The following LNX1 variants were observed in gnomAD, a reference collection of about 807,000 sequenced individuals.
LNX1 encodes the protein E3 ubiquitin-protein ligase LNX.
A neutral mutation model predicts 68.4 loss-of-function variants in LNX1; 54 were observed. That is an observed-to-expected ratio of 0.79 (90% CI 0.63 to 0.99). LNX1 has a LOEUF of 0.99. LNX1 is among the 50% of genes least tolerant of loss of function. LNX1 has a pLI of 0.00. For missense variants in LNX1, 906 were observed against 926.4 expected, an observed-to-expected ratio of 0.98 and a Z score of 0.29; for synonymous variants, 336 against 350.0, an observed-to-expected ratio of 0.96 and a Z score of 0.45.
intron 1 of LNX1, among the ~76,000 whole-genome samples, chr4:53,644,420 AAAAAC>A (rs1283935718): frequency 6.6e-6 from 1 of 152,182 alleles, no homozygotes; most frequent in Non-Finnish European, 1.5e-5. Flanking sequence ...ACGAACAAAC[AAAAAC>A]AAAACAAACA....
At chr4:53,623,206 CTTT>C (rs34868847) in intron 1 of LNX1, among the ~76,000 whole-genome samples, 2 of 142,352 alleles carry the variant, frequency 1.4e-5, no homozygotes, top group African/African-American at 2.6e-5. Flanking sequence ...GAGAGCAATT[CTTT>C]TTTTTTTTTT....
chr4:53,568,527 T>C (rs1162997575), intron 2 of LNX1, among the ~76,000 whole-genome samples: 9 of 150,904 alleles, frequency 6.0e-5, no homozygotes, highest in South Asian at 2.1e-4. Flanking sequence ...ATGACAAACC[T>C]ACAGCCAATA....
intron 6 of LNX1, 76 bp downstream of exon 6, chr4:53,495,947 C>T (rs1437340773): frequency 2.0e-6 from 3 of 1,525,820 alleles, no homozygotes; most frequent in African/African-American, 2.7e-5. Flanking sequence ...TGACAGGGTG[C>T]CTGGTTCAGG....
At chr4:53,630,014 C>T (rs1734211100) in intron 1 of LNX1, among the ~76,000 whole-genome samples, 1 of 151,712 alleles carries the variant, frequency 6.6e-6, no homozygotes, top group Non-Finnish European at 1.5e-5. Flanking sequence ...TTTTACTGGT[C>T]CAGCAAAAAA....
chr4:53,533,267 G>T (rs949514408), intron 2 of LNX1, among the ~76,000 whole-genome samples: 1 of 152,168 alleles, frequency 6.6e-6, no homozygotes, highest in Admixed American at 6.5e-5. Context: ...AACATACAAA[G>T]GAACCAGATT....
At chr4:53,531,855 G>T (rs1401376456) in intron 2 of LNX1, among the ~76,000 whole-genome samples, 2 of 152,248 alleles carry the variant, frequency 1.3e-5, no homozygotes, top group South Asian at 2.1e-4. Flanking sequence ...GTTGCTCTTT[G>T]TTCTATCACA....
chr4:53,478,161 T>C (rs1723683187), intron 8 of LNX1, among the ~76,000 whole-genome samples: 1 of 152,186 alleles, frequency 6.6e-6, no homozygotes. Context: ...GAATCAAATC[T>C]ATCAAATGAC....
intron 2 of LNX1, among the ~76,000 whole-genome samples, chr4:53,600,674 T>C (rs1469060258): frequency 6.6e-6 from 1 of 152,100 alleles, no homozygotes; most frequent in African/African-American, 2.4e-5. Context: ...ACACCCCTTT[T>C]TAACTTGGAC....
chr4:53,634,832 T>A (rs893114929), intron 1 of LNX1, among the ~76,000 whole-genome samples: 18 of 151,750 alleles, frequency 1.2e-4, no homozygotes, highest in South Asian at 8.4e-4. Context: ...TTTTTAATTT[T>A]TTATTATTAT....
At chr4:53,480,931 G>T (rs1296706003) in intron 7 of LNX1, among the ~76,000 whole-genome samples, 3 of 152,084 alleles carry the variant, frequency 2.0e-5, no homozygotes, top group African/African-American at 7.2e-5. Context: ...CAGAACTCAG[G>T]AGAGATGACT....
At chr4:53,559,492 T>C (rs1220964064) in intron 2 of LNX1, among the ~76,000 whole-genome samples, 1 of 152,168 alleles carries the variant, frequency 6.6e-6, no homozygotes, top group African/African-American at 2.4e-5. Context: ...TGTATGACAG[T>C]AGGCATGTTT....
intron 1 of LNX1, chr4:53,576,491 G>A (rs1003167795): frequency 3.4e-5 from 43 of 1,262,924 alleles, no homozygotes; most frequent in Non-Finnish European, 4.3e-5. Flanking sequence ...CTTCCCATGA[G>A]GCAGGCTCTT....
intron 9 of LNX1, among the ~76,000 whole-genome samples, chr4:53,464,655 T>G (rs2150557099): frequency 6.6e-6 from 1 of 152,250 alleles, no homozygotes; most frequent in Middle Eastern, 3.4e-3. Context: ...GTGAGGTTGC[T>G]TACTACAATA....
At chr4:53,465,577 A>C (rs1231050495) in intron 9 of LNX1, among the ~76,000 whole-genome samples, 1 of 152,210 alleles carries the variant, frequency 6.6e-6, no homozygotes, top group African/African-American at 2.4e-5. Flanking sequence ...CCAGCATAAC[A>C]TACCCCTACC....
chr4:53,489,363 A>C (rs982685834), intron 6 of LNX1, among the ~76,000 whole-genome samples: 2 of 152,270 alleles, frequency 1.3e-5, no homozygotes, highest in East Asian at 3.9e-4. Context: ...GTATCTTTAG[A>C]TGCAAAGACA....
At chr4:53,481,875 A>G (rs760572564) in intron 6 of LNX1, 21 bp from the exon 7 acceptor site, 1 of 1,551,524 alleles carries the variant, frequency 6.4e-7, no homozygotes, top group South Asian at 1.2e-5. Context: ...AGACACAGGC[A>G]TTAGCCACTG....
Position 53,579,273 on chromosome 4 carries a change from G to A in LNX1, c.-86-5185C>T, listed in dbSNP as rs550146757. The A allele has an allele frequency of 9.6e-4, 945 of 984,638 alleles. 1 individual carries two copies. The highest frequency in any genetic ancestry group is 5.2e-3 in the Admixed American group (85 of 16,268). The allele number at this position is 984,638 out of a possible 1,614,324, so 61.0% of individuals were successfully genotyped here. On this transcript the variant is annotated intron_variant, in intron 1 of 10. Coordinates refer to ENST00000263925, the MANE Select transcript of LNX1 (RefSeq NM_001126328.3). ...TACGTACGTGTATGATGGGTACGGT[G>A]GAAATCTTACACTTTTTCAGTATAA...
Position 53,574,096 on chromosome 4 carries a change from AG to A in LNX1, c.-86-9del. 2.0e-6 allele frequency: 3 copies of A among 1,484,776 alleles called. No homozygotes were observed. The highest frequency in any genetic ancestry group is 2.9e-5 in the South Asian group (2 of 69,936). 92.0% of individuals were successfully genotyped at this position (1,484,776 alleles called of 1,614,324 possible). A position where few individuals can be genotyped will look rare whatever the true frequency, so the allele number is the denominator to read the frequency against. Reference sequence around the variant, plus strand: ...TAGGAGACATCCACACACCTAAAAAAGAACAAGAAGGCTCACCTTTGCTTCC... The same window carrying A: ...TAGGAGACATCCACACACCTAAAAAAAACAAGAAGGCTCACCTTTGCTTCC... On this transcript the variant is annotated splice_polypyrimidine_tract_variant and intron_variant, in intron 1 of 10. Transcript: ENST00000263925.
chr4:53,559,910 C>T (rs771796702), intron 2 of LNX1, among the ~76,000 whole-genome samples: 30 of 152,108 alleles, frequency 2.0e-4, no homozygotes, highest in Non-Finnish European at 4.0e-4. Flanking sequence ...AATATTCCTG[C>T]CTCAACCTTC....
Sources: gnomAD v4.1 joint callset for allele counts (sites outside exome capture counted in the v4.1 genomes callset) on GRCh38, gnomAD v4.1.1 for gene constraint, MANE v1.5 for transcripts, NCBI Gene and HGNC (gene_info 2026-07-23, HGNC 2026-07-21) for gene names.